The following FZD3 variants were observed in gnomAD, a reference collection of about 807,000 sequenced individuals.
FZD3 encodes the protein frizzled class receptor 3.
A neutral mutation model predicts 60.7 loss-of-function variants in FZD3; 30 were observed. The observed-to-expected ratio is 0.49, with a 90% CI of 0.37 to 0.67. FZD3 has a LOEUF of 0.67. FZD3 is among the 30% of genes least tolerant of loss of function. The pLI, the probability that FZD3 is intolerant of heterozygous loss-of-function variation, is 0.00. For synonymous variants in FZD3, 246 were observed against 275.2 expected (o/e 0.89, Z 1.05); for missense variants, 605 against 838.7 (o/e 0.72, Z 3.44).
chr8:28,522,064 G>A (rs561129643), intron 4 of FZD3, among the ~76,000 whole-genome samples: 1 of 151,406 alleles, frequency 6.6e-6, no homozygotes, highest in Admixed American at 6.6e-5. Context: ...TTTAAGCACA[G>A]TGACATTTAA....
chr8:28,522,803 C>T (rs1466226514), intron 4 of FZD3, among the ~76,000 whole-genome samples: 3 of 129,780 alleles, frequency 2.3e-5, no homozygotes, highest in East Asian at 2.2e-4. Flanking sequence ...TGGAGTCTCG[C>T]TCTGTCACCC....
chr8:28,555,996 T>A, intron 7 of FZD3, 25 bp downstream of exon 7: 1 of 1,411,350 alleles, frequency 7.1e-7, no homozygotes, highest in Non-Finnish European at 1.0e-6. Flanking sequence ...TAGTGTAGTT[T>A]ATTTCATAAG....
At chr8:28,510,726 T>C (rs1804263208) in intron 3 of FZD3, among the ~76,000 whole-genome samples, 3 of 152,098 alleles carry the variant, frequency 2.0e-5, no homozygotes, top group African/African-American at 2.4e-5. Flanking sequence ...AAACGAGATA[T>C]GTGAAAATTG....
chr8:28,542,257 A>G lies in FZD3; in HGVS notation c.1405-9346A>G, dbSNP rs948503233. On this transcript the variant is annotated intron_variant, in intron 5 of 7. Coordinates refer to ENST00000240093, the MANE Select transcript of FZD3 (RefSeq NM_017412.4). ...TCAGAGACAGCAAACTTGTTCTGTCAGGATTATTGTTATTGCTGTTTCTTC... is the reference window on the plus strand; with the variant it reads ...TCAGAGACAGCAAACTTGTTCTGTCGGGATTATTGTTATTGCTGTTTCTTC... Among the ~76,000 whole-genome samples the G allele has an allele frequency of 6.6e-5, 10 of 152,214 alleles. No individual in the cohort carries two copies. In the East Asian group the frequency reaches 1.9e-3, roughly 29 times the overall value.
Position 28,528,137 on chromosome 8 carries a change from A to T in FZD3, c.1377A>T (p.Arg459Ser). 6.8e-6 allele frequency: 11 copies of T among 1,613,264 alleles called. No individual in the cohort carries two copies. The highest frequency in any genetic ancestry group is 9.3e-6 in the Non-Finnish European group (11 of 1,179,548). The change falls in exon 5 of 8, where the codon AGA becomes AGT. Residue 459 changes from arginine (R) to serine (S), a missense_variant. Physicochemically the swap from Arg to Ser is moderately radical, Grantham distance 110. Coordinates refer to ENST00000240093, the MANE Select transcript of FZD3 (RefSeq NM_017412.4). ...WETTWIQERC[R>S]EYHIPCPYQV... Reference sequence around the variant, plus strand: ...CAACGTGGATACAAGAACGCTGCAGAGAATATCACATTCCATGTCCATATC... The same window carrying T: ...CAACGTGGATACAAGAACGCTGCAGTGAATATCACATTCCATGTCCATATC...
chr8:28,541,613 C>T (rs1459030784), intron 5 of FZD3, among the ~76,000 whole-genome samples: 1 of 152,166 alleles, frequency 6.6e-6, no homozygotes, highest in Admixed American at 6.5e-5. Context: ...TAATCTTATC[C>T]AGTCCCATGT....
chr8:28,521,583 T>C lies in FZD3; in HGVS notation c.386+749T>C, dbSNP rs143658532. ...TAGAATTGAAGGTTTTCCCTTGTTA[T>C]CCCTCTTGAGCTTATTATCTTCTTT... On this transcript the variant is annotated intron_variant, in intron 4 of 7. Transcript: ENST00000240093. Among the ~76,000 whole-genome samples the C allele has an allele frequency of 1.1e-4, 16 of 152,290 alleles. No individual in the cohort carries two copies. The East Asian group carries it at 2.9e-3, about 28-fold the overall frequency.
At chr8:28,534,231 CATT>C (rs1804953310) in intron 5 of FZD3, among the ~76,000 whole-genome samples, 1 of 152,148 alleles carries the variant, frequency 6.6e-6, no homozygotes, top group South Asian at 2.1e-4. Context: ...CGCACACACA[CATT>C]ATGTATACGT....
At chr8:28,539,501 A>G (rs1439044988) in intron 5 of FZD3, among the ~76,000 whole-genome samples, 4 of 152,234 alleles carry the variant, frequency 2.6e-5, no homozygotes, top group Admixed American at 6.5e-5. Flanking sequence ...TTTTCAAAGC[A>G]TAATAACAGT....
At chr8:28,549,461 G>A (rs1436159408) in intron 5 of FZD3, among the ~76,000 whole-genome samples, 2 of 151,866 alleles carry the variant, frequency 1.3e-5, no homozygotes, top group African/African-American at 2.4e-5. Flanking sequence ...ATTTATAATA[G>A]TTTTTACTTT....
At chr8:28,544,891 G>A (rs889393866) in intron 5 of FZD3, among the ~76,000 whole-genome samples, 3 of 152,156 alleles carry the variant, frequency 2.0e-5, no homozygotes, top group African/African-American at 4.8e-5. Flanking sequence ...GGCCGCATCT[G>A]GTGAGGGTCT....
intron 3 of FZD3, among the ~76,000 whole-genome samples, chr8:28,507,374 G>C (rs927330908): frequency 6.6e-6 from 1 of 152,132 alleles, no homozygotes; most frequent in Non-Finnish European, 1.5e-5. Context: ...AACAGGCACT[G>C]TAGAGGCTTG....
intron 3 of FZD3, among the ~76,000 whole-genome samples, chr8:28,512,672 A>G (rs1804319978): frequency 6.6e-6 from 1 of 152,126 alleles, no homozygotes; most frequent in Admixed American, 6.5e-5. Context: ...TATTAAATAT[A>G]TTTTGATTGG....
chr8:28,571,156 A>G lies in FZD3; in HGVS notation c.*8145A>G, dbSNP rs1364875487. Reference sequence around the variant, plus strand: ...ATATTTTCTGGGTTTTGATAATGGGATATTCTGTAAGATAAAGCAAGTAAT... The same window carrying G: ...ATATTTTCTGGGTTTTGATAATGGGGTATTCTGTAAGATAAAGCAAGTAAT... On this transcript the variant is annotated 3_prime_UTR_variant, in exon 8 of 8. Transcript: ENST00000240093. The G allele has an allele frequency of 6.6e-6, 1 of 152,062 alleles. No individual in the cohort carries two copies. Among genetic ancestry groups the G allele is most frequent in the Non-Finnish European group, 1.5e-5 (1 of 68,002 alleles). The allele number at this position is 152,062 out of a possible 1,614,324, so 9.4% of individuals were successfully genotyped here.
chr8:28,499,161 C>A (rs990269123), intron 1 of FZD3, among the ~76,000 whole-genome samples: 2 of 152,122 alleles, frequency 1.3e-5, no homozygotes, highest in African/African-American at 4.8e-5. Flanking sequence ...TAGGTTCTTT[C>A]ATAAAATTCC....
chr8:28,539,179 T>C (rs1479253567), intron 5 of FZD3, among the ~76,000 whole-genome samples: 3 of 152,198 alleles, frequency 2.0e-5, no homozygotes, highest in Non-Finnish European at 4.4e-5. Flanking sequence ...AAGCTTCATC[T>C]GTATTTACTT....
chr8:28,531,757 A>T (rs1228988950), intron 5 of FZD3, among the ~76,000 whole-genome samples: 1 of 152,062 alleles, frequency 6.6e-6, no homozygotes, highest in African/African-American at 2.4e-5. Context: ...CCTATTTGTT[A>T]TCTTTGTCCA....
In FZD3 at chr8:28,494,214, G is replaced by C. The variant is rs1392330453; in HGVS notation, c.-520G>C. 3.3e-5 allele frequency: 5 copies of C among 151,886 alleles called. No homozygotes were observed. The highest frequency in any genetic ancestry group is 1.2e-4 in the African/African-American group (5 of 41,396). The allele number at this position is 151,886 out of a possible 1,614,324, so 9.4% of individuals were successfully genotyped here. Reference sequence around the variant, plus strand: ...CCGGGCCGCGCGCCCCGGTGCTCGCGAAAGCTCGCTGTCGCTGGGAGGCGC... The same window carrying C: ...CCGGGCCGCGCGCCCCGGTGCTCGCCAAAGCTCGCTGTCGCTGGGAGGCGC... On this transcript the variant is annotated 5_prime_UTR_variant, in exon 1 of 8. Coordinates refer to ENST00000240093, the MANE Select transcript of FZD3 (RefSeq NM_017412.4).
In FZD3 at chr8:28,562,917, G is replaced by C. The variant is rs1173511565; in HGVS notation, c.1907G>C (p.Ser636Thr). Residue 636 changes from serine to threonine, a missense_variant, in exon 8 of 8, where the codon AGC becomes ACC. Transcript: ENST00000240093. ...CGGCTCAATGAACAGTCACGACATA[G>C]CAGCATCAGAGATCTCAGTAATAAT... ...SHRLNEQSRH[S>T]SIRDLSNNPM... is the part of the protein sequence containing the mutation. 3 of 1,613,066 alleles carry C rather than the reference G, an allele frequency of 1.9e-6. No homozygotes were observed. The highest frequency in any genetic ancestry group is 2.5e-6 in the Non-Finnish European group (3 of 1,179,016).
Sources: gnomAD v4.1 joint callset for allele counts (sites outside exome capture counted in the v4.1 genomes callset) on GRCh38, gnomAD v4.1.1 for gene constraint, MANE v1.5 for transcripts, NCBI Gene and HGNC (gene_info 2026-07-23, HGNC 2026-07-21) for gene names.